The following MYO16 variants were observed in gnomAD, a reference collection of about 807,000 sequenced individuals.
MYO16 encodes unconventional myosin-XVI.
In MYO16, 94 loss-of-function variants were observed where a neutral mutation model predicts 205.3. The ratio of observed to expected loss-of-function variants is 0.46; its 90% CI spans 0.39 to 0.54. MYO16 has a LOEUF of 0.54. Among genes scored for constraint, MYO16 ranks in the 20% least tolerant of loss-of-function variants. The pLI, the probability that MYO16 is intolerant of heterozygous loss-of-function variation, is 0.00. For missense variants in MYO16, 2,315 were observed against 2,387.5 expected, an observed-to-expected ratio of 0.97 and a Z score of 0.63; for synonymous variants, 988 against 954.0, an observed-to-expected ratio of 1.04 and a Z score of -0.66.
chr13:109,086,164 C>T (rs1199471751), intron 27 of MYO16, among the ~76,000 whole-genome samples: 1 of 152,126 alleles, frequency 6.6e-6, no homozygotes, highest in Non-Finnish European at 1.5e-5. Context: ...TTTCTATATC[C>T]ACAGAGCTAT....
At chr13:108,800,032 G>C (rs985675402) in intron 6 of MYO16, among the ~76,000 whole-genome samples, 1 of 151,996 alleles carries the variant, frequency 6.6e-6, no homozygotes, top group Non-Finnish European at 1.5e-5. Context: ...CATCATCATG[G>C]GGAAGCCTTA....
the MYO16 span, among the ~76,000 whole-genome samples, chr13:108,553,290 G>C: frequency 2.6e-5 from 4 of 151,842 alleles, no homozygotes; most frequent in Non-Finnish European, 5.9e-5. Context: ...CGCGCCTGGC[G>C]TTAATACTCT....
At chr13:108,866,619 G>A (rs1878728942) in intron 12 of MYO16, among the ~76,000 whole-genome samples, 1 of 152,094 alleles carries the variant, frequency 6.6e-6, no homozygotes, top group African/African-American at 2.4e-5. Context: ...AAAGCAATGG[G>A]AATAAAAAAG....
At chr13:108,885,525 G>T (rs1398863434) in intron 13 of MYO16, among the ~76,000 whole-genome samples, 4 of 152,172 alleles carry the variant, frequency 2.6e-5, no homozygotes, top group Admixed American at 1.3e-4. Flanking sequence ...CAGTTTCCTG[G>T]TCTTCCTTTG....
chr13:108,763,274 A>G (rs1012862825), intron 4 of MYO16, among the ~76,000 whole-genome samples: 5 of 152,148 alleles, frequency 3.3e-5, no homozygotes, highest in African/African-American at 1.2e-4. Context: ...CATTTCTACA[A>G]ATATTTTTAT....
chr13:108,800,265 C>T (rs1237608248), intron 6 of MYO16, among the ~76,000 whole-genome samples: 1 of 152,172 alleles, frequency 6.6e-6, no homozygotes. Flanking sequence ...ATTCTGTGTC[C>T]ACCAAACTAC....
At chr13:109,023,667 GCA>G (rs1491397766) in intron 23 of MYO16, among the ~76,000 whole-genome samples, 3 of 53,548 alleles carry the variant, frequency 5.6e-5, no homozygotes, top group Non-Finnish European at 8.1e-5. Flanking sequence ...ATGTATATAT[GCA>G]AATATATGTA....
chr13:109,079,980 A>G (rs1230921258), intron 27 of MYO16, among the ~76,000 whole-genome samples: 1 of 149,884 alleles, frequency 6.7e-6, no homozygotes, highest in Non-Finnish European at 1.5e-5. Flanking sequence ...GGTTCAAGCG[A>G]TTCTCCTGCC....
the MYO16 span, among the ~76,000 whole-genome samples, chr13:108,566,735 GAGGA>G: frequency 0.41 from 54,535 of 133,502 alleles, 11,603 homozygotes; most frequent in Non-Finnish European, 0.45. Flanking sequence ...GGAAGGAAGG[GAGGA>G]AGGAAGGAAG....
chr13:109,105,002 A>G (rs1889078358), intron 28 of MYO16, among the ~76,000 whole-genome samples: 1 of 152,152 alleles, frequency 6.6e-6, no homozygotes, highest in Non-Finnish European at 1.5e-5. Context: ...ATAGCGTGGG[A>G]ACTCCATCAC....
chr13:108,957,944 A>G (rs995504323), intron 17 of MYO16, 145 bp downstream of exon 17: 6 of 628,698 alleles, frequency 9.5e-6, no homozygotes, highest in Admixed American at 2.3e-5. Context: ...ACAAGCCCCA[A>G]TCCCTGCCTC....
At chr13:109,097,196 G>A (rs1463661982) in intron 27 of MYO16, among the ~76,000 whole-genome samples, 1 of 152,154 alleles carries the variant, frequency 6.6e-6, no homozygotes, top group African/African-American at 2.4e-5. Flanking sequence ...GGGCGTGGTG[G>A]CGGGCACCAT....
At chr13:108,869,539 A>G (rs1342848574) in intron 12 of MYO16, among the ~76,000 whole-genome samples, 10 of 148,082 alleles carry the variant, frequency 6.8e-5, no homozygotes, top group Non-Finnish European at 1.3e-4. Flanking sequence ...CCTGGCTAAC[A>G]CGATGAAACC....
chr13:108,831,955 T>C (rs1876643549), intron 9 of MYO16, among the ~76,000 whole-genome samples: 2 of 152,164 alleles, frequency 1.3e-5, no homozygotes, highest in African/African-American at 2.4e-5. Context: ...TTCCTTAAGA[T>C]ACTATTCTTA....
At chr13:108,592,244 A>G (rs1407568400), upstream of MYO16, among the ~76,000 whole-genome samples, 11 of 26,236 alleles carry the variant, frequency 4.2e-4, no homozygotes, top group East Asian at 9.7e-4. Context: ...TGTGTGTGGG[A>G]GTGTGGGTTG....
chr13:108,545,034 A>G, the MYO16 span, among the ~76,000 whole-genome samples: 1 of 151,374 alleles, frequency 6.6e-6, no homozygotes, highest in African/African-American at 2.4e-5. Flanking sequence ...GTTCAGGGGT[A>G]CATGTACAGG....
At chr13:109,178,222 C>T (rs1879299242) in intron 33 of MYO16, among the ~76,000 whole-genome samples, 1 of 152,178 alleles carries the variant, frequency 6.6e-6, no homozygotes, top group South Asian at 2.1e-4. Context: ...TCTAAGGACA[C>T]TATTGCCACG....
chr13:109,007,375 G>A (rs889801642), intron 21 of MYO16, among the ~76,000 whole-genome samples: 15 of 150,802 alleles, frequency 9.9e-5, no homozygotes, highest in South Asian at 2.1e-4. Flanking sequence ...GCGACAGGGC[G>A]AGACTCCGTC....
intron 16 of MYO16, among the ~76,000 whole-genome samples, chr13:108,957,397 A>AAT (rs1555317168): frequency 1.3e-5 from 2 of 150,330 alleles, no homozygotes; most frequent in South Asian, 4.2e-4. Context: ...AAAAAAAAAA[A>AAT]AAAACAAAAA....
Sources: allele counts gnomAD v4.1 joint callset (sites outside exome capture counted in the v4.1 genomes callset), GRCh38; gene constraint gnomAD v4.1.1; transcripts MANE v1.5; gene names NCBI Gene and HGNC (gene_info 2026-07-23, HGNC 2026-07-21).